The following CSMD1 variants were observed in gnomAD, a reference collection of about 807,000 sequenced individuals.
CSMD1 encodes the protein CUB and Sushi multiple domains 1.
A neutral mutation model predicts 417.5 loss-of-function variants in CSMD1; 213 were observed. The observed-to-expected ratio is 0.51, with a 90% CI of 0.46 to 0.57. CSMD1 has a LOEUF of 0.57. Among genes scored for constraint, CSMD1 ranks in the 20% least tolerant of loss-of-function variants. The probability of loss-of-function intolerance (pLI) is 0.00; values close to 1 mark genes in which losing one functional copy is unlikely to be tolerated. For synonymous variants in CSMD1, 2,862 were observed against 1,736.8 expected, an observed-to-expected ratio of 1.65 and a Z score of -16.11; for missense variants, 6,923 against 4,529.7, an observed-to-expected ratio of 1.53 and a Z score of -15.17.
At chr8:4,342,040 T>C (rs979263245) in intron 3 of CSMD1, among the ~76,000 whole-genome samples, 5 of 152,126 alleles carry the variant, frequency 3.3e-5, no homozygotes, top group African/African-American at 7.2e-5. Flanking sequence ...AAATTCTTGA[T>C]ATGAATTTGG....
intron 5 of CSMD1, among the ~76,000 whole-genome samples, chr8:3,994,190 T>G (rs1349630333): frequency 6.6e-6 from 1 of 152,160 alleles, no homozygotes; most frequent in Non-Finnish European, 1.5e-5. Context: ...TTCTTTTTCC[T>G]TACCTTCTCT....
intron 10 of CSMD1, among the ~76,000 whole-genome samples, chr8:3,510,693 T>C (rs573237698): frequency 5.1e-5 from 5 of 98,392 alleles, no homozygotes; most frequent in Admixed American, 1.0e-4. Flanking sequence ...TTTTTAATGA[T>C]TGCCATTCTA....
chr8:3,560,508 C>T (rs1339499939), intron 10 of CSMD1, among the ~76,000 whole-genome samples: 1 of 152,042 alleles, frequency 6.6e-6, no homozygotes, highest in Non-Finnish European at 1.5e-5. Flanking sequence ...TAGAAGAAAC[C>T]TAGACCTTGA....
chr8:3,115,454 G>A (rs554552489), intron 42 of CSMD1, among the ~76,000 whole-genome samples: 11 of 152,150 alleles, frequency 7.2e-5, no homozygotes, highest in East Asian at 1.9e-4. Context: ...CACCCACCTC[G>A]GTCTCCCAAA....
chr8:4,740,873 C>T (rs1474092912), intron 1 of CSMD1, among the ~76,000 whole-genome samples: 1 of 152,204 alleles, frequency 6.6e-6, no homozygotes, highest in African/African-American at 2.4e-5. Context: ...TTCCCTGAGA[C>T]ATCATGCTCC....
At chr8:3,014,493 C>T (rs1808672174) in intron 52 of CSMD1, among the ~76,000 whole-genome samples, 1 of 152,114 alleles carries the variant, frequency 6.6e-6, no homozygotes. Context: ...TCACCAAGAA[C>T]ACTGCCAGTA....
At chr8:3,542,918 C>A (rs1029129364) in intron 10 of CSMD1, among the ~76,000 whole-genome samples, 7 of 151,990 alleles carry the variant, frequency 4.6e-5, no homozygotes, top group African/African-American at 1.7e-4. Context: ...ACCGTCCTCC[C>A]CAGGCAGCTC....
intron 5 of CSMD1, among the ~76,000 whole-genome samples, chr8:3,821,557 C>G (rs974218896): frequency 1.3e-5 from 2 of 152,056 alleles, no homozygotes; most frequent in Admixed American, 1.3e-4. Flanking sequence ...CCGAGGAGGG[C>G]GGATCACTGA....
At chr8:4,954,035 A>T (rs1204042187) in intron 1 of CSMD1, among the ~76,000 whole-genome samples, 1 of 152,172 alleles carries the variant, frequency 6.6e-6, no homozygotes, top group Non-Finnish European at 1.5e-5. Context: ...CACCTGTTAA[A>T]AAGAATTGAG....
chr8:3,267,730 G>T (rs903985372), intron 26 of CSMD1, among the ~76,000 whole-genome samples: 2 of 152,186 alleles, frequency 1.3e-5, no homozygotes, highest in African/African-American at 4.8e-5. Flanking sequence ...TGGGTTACCC[G>T]GTGGGTGGGG....
intron 3 of CSMD1, among the ~76,000 whole-genome samples, chr8:4,194,729 C>A (rs992924826): frequency 1.3e-5 from 2 of 151,976 alleles, no homozygotes; most frequent in Non-Finnish European, 2.9e-5. Context: ...TTATGCTTAA[C>A]AGATTTCATT....
intron 5 of CSMD1, among the ~76,000 whole-genome samples, chr8:3,853,231 C>CT (rs1804038092): frequency 6.6e-6 from 1 of 152,126 alleles, no homozygotes; most frequent in Non-Finnish European, 1.5e-5. Context: ...TTGGTTCTTC[C>CT]TTTTGGGGAT....
At chr8:4,487,944 A>C (rs1353512670) in intron 2 of CSMD1, among the ~76,000 whole-genome samples, 8 of 152,196 alleles carry the variant, frequency 5.3e-5, no homozygotes, top group Non-Finnish European at 1.2e-4. Flanking sequence ...TCGTAGACTG[A>C]ATGTTTGCGT....
intron 2 of CSMD1, among the ~76,000 whole-genome samples, chr8:4,568,134 C>T (rs1458927747): frequency 6.6e-6 from 1 of 152,080 alleles, no homozygotes; most frequent in Non-Finnish European, 1.5e-5. Flanking sequence ...ATCTAAGATG[C>T]TTTGTGTGTC....
intron 2 of CSMD1, among the ~76,000 whole-genome samples, chr8:4,420,829 T>A (rs997328704): frequency 2.2e-4 from 34 of 152,208 alleles, no homozygotes. Flanking sequence ...GGTAAGTAGC[T>A]TATTTTTTAT....
intron 7 of CSMD1, among the ~76,000 whole-genome samples, chr8:3,643,835 G>A (rs1797438375): frequency 6.6e-6 from 1 of 151,806 alleles, no homozygotes; most frequent in South Asian, 2.1e-4. Flanking sequence ...AGTTAATTAA[G>A]CTACCTATTA....
chr8:3,791,261 G>C (rs1207759555), intron 5 of CSMD1, among the ~76,000 whole-genome samples: 1 of 152,136 alleles, frequency 6.6e-6, no homozygotes, highest in African/African-American at 2.4e-5. Context: ...TATATCCAAA[G>C]CATGTATGAT....
At chr8:3,847,524 G>C (rs1057456106) in intron 5 of CSMD1, among the ~76,000 whole-genome samples, 3 of 152,226 alleles carry the variant, frequency 2.0e-5, no homozygotes, top group Admixed American at 1.3e-4. Context: ...GATAATTCCA[G>C]CCTAAGGTGA....
At chr8:4,163,186 T>C (rs1797266540) in intron 3 of CSMD1, among the ~76,000 whole-genome samples, 1 of 152,228 alleles carries the variant, frequency 6.6e-6, no homozygotes, top group Non-Finnish European at 1.5e-5. Flanking sequence ...ATAAACCTTC[T>C]AAAAACATCC....
Sources: allele counts gnomAD v4.1 joint callset (sites outside exome capture counted in the v4.1 genomes callset), GRCh38; gene constraint gnomAD v4.1.1; transcripts MANE v1.5; gene names NCBI Gene and HGNC (gene_info 2026-07-23, HGNC 2026-07-21).